KDM2B: variants seen among roughly 807,000 people sequenced by gnomAD.
KDM2B encodes the protein lysine demethylase 2B.
Under a neutral mutation model 150.0 loss-of-function variants are expected in KDM2B, and 26 were observed. The observed-to-expected ratio is 0.17, with a 90% confidence interval of 0.13 to 0.24. The LOEUF (loss-of-function observed/expected upper bound fraction) is 0.24. Ranked by LOEUF, KDM2B falls within the 10% of genes least tolerant of loss-of-function variation. KDM2B has a pLI of 1.00. For synonymous variants in KDM2B, 734 were observed against 729.5 expected (o/e 1.01, Z -0.10); for missense variants, 1,265 against 1,816.9 (o/e 0.70, Z 5.52).
At chr12:121,580,419 C>T (rs975017339) in intron 1 of KDM2B, 4 of 1,156,222 alleles carry the variant, frequency 3.5e-6, no homozygotes, top group Admixed American at 4.4e-5. Context: ...CGGGAGGCAC[C>T]GGGCGCCGTT....
intron 8 of KDM2B, among the ~76,000 whole-genome samples, chr12:121,528,771 T>C (rs60370741): frequency 0.35 from 53,181 of 151,928 alleles, 11,286 homozygotes; most frequent in Non-Finnish European, 0.45. Flanking sequence ...CACATGCCTG[T>C]AATCCCAGCT....
In KDM2B at chr12:121,443,606, G is replaced by C. The variant is rs1438948559; in HGVS notation, c.2565+74C>G. 8 of 852,024 alleles carry C rather than the reference G, an allele frequency of 9.4e-6. 1 individual carries two copies. In the East Asian group the frequency reaches 1.7e-4, roughly 18 times the overall value. 52.8% of individuals were successfully genotyped at this position (852,024 alleles called of 1,614,324 possible). ...GAGGCAGCAGTGGGGTGGAGGACCAGCGGGGTGGGGTGGGGGACAGCCCAG... is the reference window on the plus strand; with the variant it reads ...GAGGCAGCAGTGGGGTGGAGGACCACCGGGGTGGGGTGGGGGACAGCCCAG... On this transcript the variant is annotated intron_variant, in intron 17 of 22. Transcript: ENST00000377071.
intron 4 of KDM2B, among the ~76,000 whole-genome samples, chr12:121,550,994 C>T (rs28663167): frequency 0.35 from 53,049 of 151,910 alleles, 11,301 homozygotes; most frequent in Non-Finnish European, 0.45. Flanking sequence ...TGGCTCCGTG[C>T]GACAATGGCA....
At chr12:121,577,162 C>T (rs56377712) in intron 2 of KDM2B, among the ~76,000 whole-genome samples, 5 of 152,102 alleles carry the variant, frequency 3.3e-5, no homozygotes, top group African/African-American at 1.2e-4. Context: ...GAGAGCAGAT[C>T]TAAGGATACA....
chr12:121,558,449 CTTTTTCTTTTT>C (rs1890063776), intron 4 of KDM2B, among the ~76,000 whole-genome samples: 1 of 123,784 alleles, frequency 8.1e-6, no homozygotes, highest in Non-Finnish European at 1.6e-5. Flanking sequence ...GTTTCCTTTT[CTTTTTCTTTTT>C]TTTTTTTTTT....
chr12:121,417,870 A>G, the KDM2B span: 1 of 1,614,102 alleles, frequency 6.2e-7, no homozygotes, highest in Non-Finnish European at 8.5e-7. This position sits in a 1 kb window ranked among gnomAD's most constrained non-coding sequence, Gnocchi z 5.0. Flanking sequence ...GGGAGAGCTT[A>G]TGGATGGAGA....
chr12:121,580,257 G>C (rs951564930), intron 1 of KDM2B: 94 of 1,272,856 alleles, frequency 7.4e-5, no homozygotes, highest in Non-Finnish European at 8.3e-5. Flanking sequence ...AGTTGTGGGG[G>C]GGGGGAGGCG....
chr12:121,442,824 T>G lies in KDM2B; in HGVS notation c.2617A>C (p.Lys873Gln). The change falls in exon 19 of 23, where the codon AAG (lysine) becomes CAG (glutamine). Residue 873 changes from lysine (K) to glutamine (Q), a missense_variant. Transcript: ENST00000377071. This position sits in a 1 kb window ranked among gnomAD's most constrained non-coding sequence, Gnocchi z 7.7. ...KLFRKKRRSW[K>Q]NAEDRMALAN... Reference sequence around the variant, plus strand: ...AGCGCCATGCGGTCCTCGGCGTTCTTCCAGGACCGCCGCTGAGGGCGAGAG... The same window carrying G: ...AGCGCCATGCGGTCCTCGGCGTTCTGCCAGGACCGCCGCTGAGGGCGAGAG... 6.6e-7 allele frequency: 1 copy of G among 1,522,090 alleles called. No individual in the cohort carries two copies. Among genetic ancestry groups the G allele is most frequent in the Non-Finnish European group, 8.8e-7 (1 of 1,140,284 alleles). 94.3% of individuals were successfully genotyped at this position (1,522,090 alleles called of 1,614,324 possible). A position where few individuals can be genotyped will look rare whatever the true frequency, so the allele number is the denominator to read the frequency against.
chr12:121,430,303 C>T lies in KDM2B; in HGVS notation c.3996G>A (p.Leu1332=). ...VQFGQVEEKL[L]QKLS is the part of the protein sequence containing the mutation. ...TATCCTTGGACTAACTCAGTTTTTGCAGGAGTTTTTCTTCTACTTGCCCAA... is the reference window on the plus strand; with the variant it reads ...TATCCTTGGACTAACTCAGTTTTTGTAGGAGTTTTTCTTCTACTTGCCCAA... The change falls in exon 23 of 23, where the codon CTG becomes CTA. Residue 1332 remains leucine, a synonymous_variant. Transcript: ENST00000377071. The surrounding 1 kb of genome is among the most constrained non-coding windows in gnomAD (Gnocchi z 4.4). 1.9e-6 allele frequency: 3 copies of T among 1,614,172 alleles called. No homozygotes were observed. The highest frequency in any genetic ancestry group is 2.5e-6 in the Non-Finnish European group (3 of 1,180,028).
Position 121,442,110 on chromosome 12 carries a change from G to T in KDM2B, c.3284+47C>A. The T allele has an allele frequency of 1.0e-5, 16 of 1,527,444 alleles. No individual in the cohort carries two copies. The highest frequency in any genetic ancestry group is 1.4e-5 in the Non-Finnish European group (16 of 1,104,036). 94.6% of individuals were successfully genotyped at this position (1,527,444 alleles called of 1,614,324 possible). The stretch of plus-strand genomic sequence containing the variant: ...CTCCACACACCACGGGCCATCCCTG[G>T]TGCCGCCTGAGCCTTAACCTAGAGC... On this transcript the variant is annotated intron_variant, in intron 19 of 22. Transcript: ENST00000377071. This position sits in a 1 kb window ranked among gnomAD's most constrained non-coding sequence, Gnocchi z 7.7.
At chr12:121,425,795 C>A (rs1203926328), downstream of KDM2B, among the ~76,000 whole-genome samples, 1 of 147,752 alleles carries the variant, frequency 6.8e-6, no homozygotes, top group Admixed American at 6.8e-5. Context: ...GAGACAGAGT[C>A]TCGCTCTGTT....
At position 121,549,442 on chromosome 12, in the gene KDM2B, C is replaced by T. The variant is rs77477044; in HGVS notation, c.576+18G>A. 14,095 of 1,567,764 alleles carry T rather than the reference C, an allele frequency of 9.0e-3. 201 individuals are homozygous for T. The highest frequency in any genetic ancestry group is 0.046 in the South Asian group (3,971 of 86,218). On this transcript the variant is annotated intron_variant, in intron 5 of 22. Coordinates refer to ENST00000377071, the MANE Select transcript of KDM2B (RefSeq NM_032590.5). This position sits in a 1 kb window ranked among gnomAD's most constrained non-coding sequence, Gnocchi z 4.4. ...AGGTGGAAGGTATCTGGGGAGGGTA[C>T]CTGGGCCCCGGACCTACCACAGTCG...
chr12:121,456,414 T>C (rs532527091), intron 12 of KDM2B, among the ~76,000 whole-genome samples: 41 of 152,276 alleles, frequency 2.7e-4, no homozygotes, highest in African/African-American at 9.9e-4. Context: ...AAACGACAGG[T>C]GCCCTGTTAC....
the KDM2B span, chr12:121,416,341 A>T: frequency 1.9e-6 from 3 of 1,613,970 alleles, no homozygotes; most frequent in Non-Finnish European, 1.7e-6. Flanking sequence ...TAGTTTGTAA[A>T]GCCTGTGGGC....
At chr12:121,504,688 T>C (rs1750837683) in intron 11 of KDM2B, among the ~76,000 whole-genome samples, 1 of 152,158 alleles carries the variant, frequency 6.6e-6, no homozygotes. Context: ...AATAAGATAG[T>C]GGTGGTGGTT....
At chr12:121,420,130 T>C in the KDM2B span, 6 of 948,786 alleles carry the variant, frequency 6.3e-6, no homozygotes, top group Non-Finnish European at 6.5e-6. Flanking sequence ...AATCCAAAGA[T>C]GTGCATTATG....
intron 4 of KDM2B, among the ~76,000 whole-genome samples, chr12:121,573,842 C>T (rs886387180): frequency 2.2e-4 from 33 of 152,104 alleles, no homozygotes; most frequent in African/African-American, 7.5e-4. Flanking sequence ...CCGCCTCGGC[C>T]TCCCAAAGTG....
intron 4 of KDM2B, among the ~76,000 whole-genome samples, chr12:121,554,086 A>ACACAC (rs1566411557): frequency 4.5e-5 from 4 of 88,360 alleles, no homozygotes; most frequent in Admixed American, 1.1e-4. Context: ...CACACACACA[A>ACACAC]ATTGGCCAAG....
intron 4 of KDM2B, among the ~76,000 whole-genome samples, chr12:121,555,257 A>G (rs1555312513): frequency 2.0e-5 from 3 of 152,248 alleles, no homozygotes; most frequent in Non-Finnish European, 4.4e-5. Flanking sequence ...GTTTAATCAT[A>G]TCATTTAGTT....
Sources: gnomAD v4.1 joint callset for allele counts (sites outside exome capture counted in the v4.1 genomes callset) on GRCh38, gnomAD v4.1.1 for gene constraint, Gnocchi (gnomAD v3.1) non-coding constraint, MANE v1.5 for transcripts, NCBI Gene and HGNC (gene_info 2026-07-23, HGNC 2026-07-21) for gene names.